Variants in DENND3 observed in about 807,000 individuals in gnomAD.
DENND3 encodes the protein DENN domain-containing protein 3.
Under a neutral mutation model 135.1 loss-of-function variants are expected in DENND3, and 88 were observed. That is an observed-to-expected ratio of 0.65 (90% CI 0.55 to 0.78). The LOEUF is 0.78. DENND3 is among the 30% of genes least tolerant of loss of function. DENND3 has a pLI of 0.00. For missense variants in DENND3, 1,392 were observed against 1,688.4 expected (o/e 0.82, Z 3.08); for synonymous variants, 693 against 712.3 (o/e 0.97, Z 0.43).
At position 141,189,031 on chromosome 8, in the gene DENND3, G is replaced by C. The variant is rs756229575; in HGVS notation, c.3130G>C (p.Glu1044Gln). Residue 1044 changes from glutamate (E) to glutamine (Q), a missense_variant, in exon 19 of 23, where the codon GAA (glutamate) becomes CAA (glutamine). Glu to Gln is a conservative substitution (Grantham distance 29). Transcript: ENST00000519811. ...CCAGAACCAGGTGTGGGTTGGCTCG[G>C]AAGACTCCGTCATCTACATCATCAA... ...ADQNQVWVGS[E>Q]DSVIYIINVH... The C allele has an allele frequency of 6.2e-7, 1 of 1,614,202 alleles. No homozygotes were observed. Among genetic ancestry groups the C allele is most frequent in the East Asian group, 2.2e-5 (1 of 44,892 alleles).
chr8:141,159,997 G>A (rs747435602), intron 8 of DENND3, among the ~76,000 whole-genome samples: 10 of 152,204 alleles, frequency 6.6e-5, no homozygotes, highest in Non-Finnish European at 1.3e-4. Flanking sequence ...GCAGCCATGA[G>A]TGACCCGTCA....
chr8:141,190,643 A>C, intron 20 of DENND3: 1 of 576,708 alleles, frequency 1.7e-6, no homozygotes, highest in Non-Finnish European at 2.8e-6. Context: ...GGCTGACGGG[A>C]TGCCTGTCTT....
rs1394329478 is a variant in DENND3 at position 141,167,708 on chromosome 8, C to T, written c.1754-296C>T. Among the ~76,000 whole-genome samples, 2 of 152,214 alleles carry T rather than the reference C, an allele frequency of 1.3e-5. No homozygotes were observed. The highest frequency in any genetic ancestry group is 4.8e-5 in the African/African-American group (2 of 41,462). On this transcript the variant is annotated intron_variant, in intron 12 of 22. Coordinates refer to ENST00000519811, the MANE Select transcript of DENND3 (RefSeq NM_001352890.3). The surrounding 1 kb of genome is among the most constrained non-coding windows in gnomAD (Gnocchi z 4.1). ...ACATCTTGGCTTAGGCTATTAGCTT[C>T]ATCCTCAAATAAAGCCTCAGTACCC...
chr8:141,178,463 G>T (rs1822679784), intron 16 of DENND3, among the ~76,000 whole-genome samples: 1 of 152,220 alleles, frequency 6.6e-6, no homozygotes, highest in Non-Finnish European at 1.5e-5. Flanking sequence ...TACACTGCAA[G>T]CATTTGTGGT....
chr8:141,177,788 G>T, intron 15 of DENND3: 1 of 319,788 alleles, frequency 3.1e-6, no homozygotes. Flanking sequence ...GGCAGGCAGT[G>T]GGTGATCTCA....
chr8:141,135,918 C>T (rs1347730010), intron 1 of DENND3, among the ~76,000 whole-genome samples: 2 of 152,226 alleles, frequency 1.3e-5, no homozygotes, highest in Admixed American at 1.3e-4. Context: ...TCACTCCATG[C>T]GTCCTCCCAG....
At chr8:141,150,185 G>C (rs771656746) in intron 5 of DENND3, 2 of 505,422 alleles carry the variant, frequency 4.0e-6, no homozygotes, top group Non-Finnish European at 6.2e-6. Flanking sequence ...GCCAGCACCC[G>C]GGTGGCAGGA....
intron 16 of DENND3, among the ~76,000 whole-genome samples, chr8:141,180,061 C>T (rs1318572393): frequency 6.6e-6 from 1 of 152,160 alleles, no homozygotes; most frequent in African/African-American, 2.4e-5. Context: ...TGCCTGGAAA[C>T]ATGGGTTGGA....
intron 7 of DENND3, among the ~76,000 whole-genome samples, chr8:141,152,399 C>T (rs1470466741): frequency 5.3e-5 from 8 of 152,146 alleles, no homozygotes; most frequent in Admixed American, 5.2e-4. Context: ...GCAGTCAGCC[C>T]CCAGGGCCTG....
At position 141,179,279 on chromosome 8, in the gene DENND3, A is replaced by G. The variant is rs1822791564; in HGVS notation, c.2836+1083A>G. ...AGGAGCTTTTGTCTGACAGTCCTGG[A>G]ACCAGACATTGATTGCTCTTTTCTT... On this transcript the variant is annotated intron_variant, in intron 16 of 22. Coordinates refer to ENST00000519811, the MANE Select transcript of DENND3 (RefSeq NM_001352890.3). Among the ~76,000 whole-genome samples the G allele has an allele frequency of 2.6e-5, 4 of 152,348 alleles. No individual in the cohort carries two copies. The South Asian group carries it at 8.3e-4, about 32-fold the overall frequency.
chr8:141,178,014 G>T (rs767094389), intron 15 of DENND3, 53 bp from the exon 16 acceptor site: 22 of 1,564,714 alleles, frequency 1.4e-5, no homozygotes, highest in Non-Finnish European at 1.9e-5. Flanking sequence ...GGTCTCCGGT[G>T]AACTGATCTT....
intron 10 of DENND3, 134 bp from the exon 11 acceptor site, chr8:141,165,052 G>A (rs1351534490): frequency 7.7e-6 from 5 of 651,282 alleles, no homozygotes; most frequent in Admixed American, 5.1e-5. Flanking sequence ...AAACCCTCGA[G>A]TTCATTCACT....
chr8:141,175,410 C>T lies in DENND3; in HGVS notation c.2486C>T (p.Thr829Ile). Residue 829 changes from threonine to isoleucine, a missense_variant, in exon 14 of 23, where the codon ACC becomes ATC. Transcript: ENST00000519811. This position sits in a 1 kb window ranked among gnomAD's most constrained non-coding sequence, Gnocchi z 5.4. ...ACCCAGAAGCGCCTGTTCCTCCTAA[C>T]CGAAGGAAGGCCAGGCTACTTGGAG... ...AMTQKRLFLL[T>I]EGRPGYLEIS... 6.2e-7 allele frequency: 1 copy of T among 1,614,170 alleles called. No homozygotes were observed. The highest frequency in any genetic ancestry group is 2.2e-5 in the East Asian group (1 of 44,872).
At chr8:141,184,781 C>G (rs1352500559) in intron 17 of DENND3, 1 of 191,146 alleles carries the variant, frequency 5.2e-6, no homozygotes, top group Non-Finnish European at 1.1e-5. Context: ...CTCCCTGCCT[C>G]CCTCCCTCTG....
chr8:141,155,975 CG>C lies in DENND3; in HGVS notation c.1196+8del, dbSNP rs776158968. 3.1e-6 allele frequency: 5 copies of C among 1,597,170 alleles called. No individual in the cohort carries two copies. The highest frequency in any genetic ancestry group is 2.6e-6 in the Non-Finnish European group (3 of 1,170,286). On this transcript the variant is annotated splice_donor_region_variant and intron_variant, in intron 8 of 22. Coordinates refer to ENST00000519811, the MANE Select transcript of DENND3 (RefSeq NM_001352890.3). Reference sequence around the variant, plus strand: ...AGCCCAGACGTTTATTCAGAGGTAACGGGAAACATTAATGGTATGAATTTCA... The same window carrying C: ...AGCCCAGACGTTTATTCAGAGGTAACGGAAACATTAATGGTATGAATTTCA...
chr8:141,157,711 A>G (rs1288160184), intron 8 of DENND3: 1 of 983,462 alleles, frequency 1.0e-6, no homozygotes, highest in Non-Finnish European at 1.2e-6. Context: ...GGTGTGGATT[A>G]TTCCTTCTAC....
chr8:141,149,061 C>T (rs1818480692), intron 5 of DENND3, among the ~76,000 whole-genome samples: 1 of 152,012 alleles, frequency 6.6e-6, no homozygotes, highest in African/African-American at 2.4e-5. Flanking sequence ...CAGGCATGTA[C>T]CACCATGCCT....
chr8:141,159,495 C>T (rs1819873989), intron 8 of DENND3, among the ~76,000 whole-genome samples: 1 of 152,228 alleles, frequency 6.6e-6, no homozygotes, highest in Admixed American at 6.5e-5. Context: ...CCGTGTCTCT[C>T]TAGCCCATCG....
chr8:141,165,440 C>A, intron 11 of DENND3, 151 bp downstream of exon 11: 1 of 542,110 alleles, frequency 1.8e-6, no homozygotes, highest in Non-Finnish European at 3.2e-6. Context: ...CTAGGAAGCT[C>A]TTCTCTCCAT....
Sources: gnomAD v4.1 joint callset for allele counts (sites outside exome capture counted in the v4.1 genomes callset) on GRCh38, gnomAD v4.1.1 for gene constraint, Gnocchi (gnomAD v3.1) non-coding constraint, MANE v1.5 for transcripts, NCBI Gene and HGNC (gene_info 2026-07-23, HGNC 2026-07-21) for gene names.